Variants in CCDC146 observed in about 807,000 individuals in gnomAD.
CCDC146 encodes coiled-coil domain containing 146, also known as coiled-coil domain-containing protein 146.
CCDC146 carries 92 observed loss-of-function variants against 119.3 expected under a neutral mutation model. That is an observed-to-expected ratio of 0.77 (90% confidence interval 0.65 to 0.92). The LOEUF is 0.92. CCDC146 is among the 40% of genes least tolerant of loss of function. CCDC146 has a pLI of 0.00. For synonymous variants in CCDC146, 372 were observed against 371.8 expected, an observed-to-expected ratio of 1.00 and a Z score of -0.01; for missense variants, 1,000 against 1,103.0, an observed-to-expected ratio of 0.91 and a Z score of 1.32.
intron 1 of CCDC146, among the ~76,000 whole-genome samples, chr7:77,127,823 T>A (rs991424110): frequency 1.3e-5 from 2 of 152,124 alleles, no homozygotes; most frequent in Admixed American, 6.5e-5. Context: ...ATCCCTTAAC[T>A]GTGTTTATAT....
At chr7:77,238,518 G>A (rs1478781168) in intron 3 of CCDC146, among the ~76,000 whole-genome samples, 1 of 152,024 alleles carries the variant, frequency 6.6e-6, no homozygotes, top group Admixed American at 6.6e-5. Context: ...CCAGGTTCAC[G>A]CCATTCTCCT....
At chr7:77,189,744 C>T (rs1791730403) in intron 2 of CCDC146, among the ~76,000 whole-genome samples, 1 of 152,216 alleles carries the variant, frequency 6.6e-6, no homozygotes, top group Admixed American at 6.5e-5. Flanking sequence ...ATGCTATCCA[C>T]TCTTCCAGGC....
chr7:77,267,888 A>G (rs573352002), intron 9 of CCDC146, among the ~76,000 whole-genome samples: 15 of 152,272 alleles, frequency 9.9e-5, no homozygotes, highest in African/African-American at 2.9e-4. Context: ...TCTTGAAGAA[A>G]TCTCTTCTAA....
chr7:77,231,082 C>T (rs1792618494), intron 2 of CCDC146, among the ~76,000 whole-genome samples: 1 of 152,212 alleles, frequency 6.6e-6, no homozygotes, highest in African/African-American at 2.4e-5. Flanking sequence ...CATGTTCCCA[C>T]ACCATCCCAC....
At chr7:77,263,915 C>G (rs1045046419) in intron 9 of CCDC146, among the ~76,000 whole-genome samples, 8 of 152,174 alleles carry the variant, frequency 5.3e-5, no homozygotes, top group African/African-American at 1.9e-4. Flanking sequence ...CAGAGCCAGA[C>G]TCCATCTCAA....
intron 9 of CCDC146, among the ~76,000 whole-genome samples, chr7:77,270,366 A>G (rs1793487983): frequency 6.6e-6 from 1 of 151,926 alleles, no homozygotes; most frequent in East Asian, 1.9e-4. Context: ...TTTGGTCACA[A>G]TCACAATAAA....
chr7:77,294,921 T>C lies in CCDC146; in HGVS notation c.*55T>C. The C allele has an allele frequency of 7.1e-7, 1 of 1,416,072 alleles. No homozygotes were observed. 87.7% of individuals were successfully genotyped at this position (1,416,072 alleles called of 1,614,324 possible). A position where few individuals can be genotyped will look rare whatever the true frequency, so the allele number is the denominator to read the frequency against. On this transcript the variant is annotated 3_prime_UTR_variant, in exon 19 of 19. Transcript: ENST00000285871. ...AAAAGACTTCAACCAGGCTTCCTTG[T>C]ACCCACAGGTGAAAAATGTGAGCAT...
At chr7:77,215,188 G>GT (rs763578667) in intron 2 of CCDC146, among the ~76,000 whole-genome samples, 2 of 116,868 alleles carry the variant, frequency 1.7e-5, no homozygotes, top group Admixed American at 8.3e-5. Context: ...TATTTTTTTG[G>GT]TGTTTTTTTT....
At chr7:77,128,131 G>A (rs1476429392) in intron 1 of CCDC146, among the ~76,000 whole-genome samples, 2 of 151,852 alleles carry the variant, frequency 1.3e-5, no homozygotes, top group African/African-American at 4.8e-5. Flanking sequence ...CTGTTATGAG[G>A]TTGCTGTTTC....
At chr7:77,153,976 A>G (rs922251447) in intron 1 of CCDC146, among the ~76,000 whole-genome samples, 1 of 151,906 alleles carries the variant, frequency 6.6e-6, no homozygotes, top group African/African-American at 2.4e-5. Flanking sequence ...TTCGGCAATT[A>G]AGATAACTGT....
chr7:77,266,359 A>C (rs66715423), intron 9 of CCDC146, among the ~76,000 whole-genome samples: 16,852 of 152,240 alleles, frequency 0.11, 1,213 homozygotes, highest in Non-Finnish European at 0.16. Context: ...CAATGATAAC[A>C]ACATACTATA....
At chr7:77,276,997 A>G (rs1006119891) in intron 11 of CCDC146, among the ~76,000 whole-genome samples, 5 of 152,196 alleles carry the variant, frequency 3.3e-5, no homozygotes. Context: ...GCTTGAACCC[A>G]GGAGGCGGAG....
chr7:77,205,675 C>T (rs1792069465), intron 2 of CCDC146, among the ~76,000 whole-genome samples: 1 of 152,220 alleles, frequency 6.6e-6, no homozygotes, highest in South Asian at 2.1e-4. Flanking sequence ...AGGAAGATCA[C>T]TTGAGCCCAG....
chr7:77,158,024 G>A (rs1328856360), intron 1 of CCDC146, among the ~76,000 whole-genome samples: 2 of 152,022 alleles, frequency 1.3e-5, no homozygotes, highest in East Asian at 3.9e-4. Context: ...CAGCAATATT[G>A]TCAGCAATAT....
intron 1 of CCDC146, among the ~76,000 whole-genome samples, chr7:77,148,781 A>C (rs1791063212): frequency 6.6e-6 from 1 of 152,172 alleles, no homozygotes; most frequent in Non-Finnish European, 1.5e-5. Flanking sequence ...AGGGATGTGA[A>C]GAACCTCTTC....
intron 1 of CCDC146, among the ~76,000 whole-genome samples, chr7:77,166,861 G>A (rs954122568): frequency 2.0e-5 from 3 of 152,048 alleles, no homozygotes; most frequent in Non-Finnish European, 4.4e-5. Flanking sequence ...AAAAATTTTC[G>A]AAGCTGGTGT....
chr7:77,213,152 G>T (rs996578110), intron 2 of CCDC146, among the ~76,000 whole-genome samples: 1 of 151,792 alleles, frequency 6.6e-6, no homozygotes, highest in Non-Finnish European at 1.5e-5. Context: ...GTGCAGTGGC[G>T]CAATTACAGC....
At chr7:77,222,862 C>T (rs111722555) in intron 2 of CCDC146, among the ~76,000 whole-genome samples, 5 of 152,166 alleles carry the variant, frequency 3.3e-5, no homozygotes, top group Admixed American at 1.3e-4. Context: ...CTGATTAGTC[C>T]GTCACATCCT....
At chr7:77,213,236 T>C (rs1409335536) in intron 2 of CCDC146, among the ~76,000 whole-genome samples, 1 of 151,844 alleles carries the variant, frequency 6.6e-6, no homozygotes, top group East Asian at 1.9e-4. Context: ...TCCACAGGTG[T>C]GCACCACTAT....
Sources: gnomAD v4.1 joint callset for allele counts (sites outside exome capture counted in the v4.1 genomes callset) on GRCh38, gnomAD v4.1.1 for gene constraint, MANE v1.5 for transcripts, NCBI Gene and HGNC (gene_info 2026-07-23, HGNC 2026-07-21) for gene names.